RAB2A: variants seen among roughly 807,000 people sequenced by gnomAD.
RAB2A encodes the protein RAB2A, member RAS oncogene family, also known as ras-related protein Rab-2A.
Under a neutral mutation model 32.5 loss-of-function variants are expected in RAB2A, and 7 were observed. The observed-to-expected ratio is 0.22, with a 90% confidence interval of 0.12 to 0.40. RAB2A has a LOEUF of 0.40. Among genes scored for constraint, RAB2A ranks in the 10% least tolerant of loss-of-function variants. The pLI is 1.00. For synonymous variants in RAB2A, 79 were observed against 85.2 expected, an observed-to-expected ratio of 0.93 and a Z score of 0.40; for missense variants, 108 against 260.7, an observed-to-expected ratio of 0.41 and a Z score of 4.03.
intron 1 of RAB2A, among the ~76,000 whole-genome samples, chr8:60,521,073 C>G (rs1274861623): frequency 6.6e-6 from 1 of 152,238 alleles, no homozygotes; most frequent in African/African-American, 2.4e-5. Context: ...ACTTCAGCCT[C>G]CCAAAGTGCC....
At chr8:60,585,388 C>A (rs1485276649) in intron 5 of RAB2A, among the ~76,000 whole-genome samples, 5 of 152,146 alleles carry the variant, frequency 3.3e-5, no homozygotes, top group African/African-American at 1.2e-4. Context: ...TCATAGCTCA[C>A]TGCAGCTTGG....
intron 6 of RAB2A, among the ~76,000 whole-genome samples, chr8:60,604,181 G>A (rs541002153): frequency 7.2e-5 from 11 of 152,194 alleles, no homozygotes; most frequent in East Asian, 1.9e-4. Flanking sequence ...GAAGTGCCTC[G>A]CTCCCCCTTT....
chr8:60,536,296 T>C (rs1807555230), intron 1 of RAB2A, among the ~76,000 whole-genome samples: 1 of 143,894 alleles, frequency 6.9e-6, no homozygotes, highest in South Asian at 2.3e-4. Context: ...TCTTTGGCTC[T>C]TGTTAATTTA....
chr8:60,600,592 A>G (rs993411459), intron 6 of RAB2A, among the ~76,000 whole-genome samples: 4 of 152,216 alleles, frequency 2.6e-5, no homozygotes, highest in Admixed American at 1.3e-4. Context: ...GTTGACTCAA[A>G]AACCTATACA....
intron 1 of RAB2A, among the ~76,000 whole-genome samples, chr8:60,519,013 A>G (rs996900744): frequency 1.3e-5 from 2 of 152,210 alleles, no homozygotes; most frequent in South Asian, 4.1e-4. Context: ...TGGGGCTACA[A>G]ATCCTAACAA....
At chr8:60,563,013 AT>A (rs1563470819) in intron 2 of RAB2A, among the ~76,000 whole-genome samples, 1 of 105,646 alleles carries the variant, frequency 9.5e-6, no homozygotes, top group Admixed American at 1.0e-4. Flanking sequence ...TCTTTCAGAG[AT>A]AAAAAAAAAA....
chr8:60,597,558 A>T (rs1421729050), intron 6 of RAB2A, among the ~76,000 whole-genome samples: 1 of 152,104 alleles, frequency 6.6e-6, no homozygotes, highest in Non-Finnish European at 1.5e-5. Flanking sequence ...AAATCTGCAC[A>T]TGTATCCCAG....
intron 1 of RAB2A, among the ~76,000 whole-genome samples, chr8:60,547,684 C>A (rs1178489781): frequency 1.7e-5 from 2 of 120,178 alleles, no homozygotes; most frequent in South Asian, 2.9e-4. Flanking sequence ...CCGGACGGGG[C>A]GGCTGGCCGG....
intron 1 of RAB2A, among the ~76,000 whole-genome samples, chr8:60,553,220 G>A (rs1807883749): frequency 6.6e-6 from 1 of 152,212 alleles, no homozygotes; most frequent in African/African-American, 2.4e-5. Context: ...TGGTTTATGT[G>A]ATTTTGGGGG....
intron 1 of RAB2A, among the ~76,000 whole-genome samples, chr8:60,526,752 T>C (rs570960110): frequency 2.0e-5 from 3 of 152,200 alleles, no homozygotes; most frequent in African/African-American, 7.2e-5. Context: ...GTGGATTGCT[T>C]GCGCTGAGGA....
intron 7 of RAB2A, chr8:60,619,253 G>C (rs755874507): frequency 6.6e-6 from 1 of 152,094 alleles, no homozygotes; most frequent in African/African-American, 2.4e-5. Context: ...ATCTAATTCA[G>C]AGTGTTCACC....
At chr8:60,550,390 CTTT>C (rs879508044) in intron 1 of RAB2A, among the ~76,000 whole-genome samples, 1 of 145,134 alleles carries the variant, frequency 6.9e-6, no homozygotes, top group Non-Finnish European at 1.5e-5. Context: ...TTTTTTTTGT[CTTT>C]TTTTTTTTTG....
intron 1 of RAB2A, among the ~76,000 whole-genome samples, chr8:60,555,069 G>A (rs184288997): frequency 6.6e-6 from 1 of 152,308 alleles, no homozygotes; most frequent in African/African-American, 2.4e-5. Context: ...TTTCAAGGAG[G>A]TTGTAGGCAG....
At chr8:60,542,720 A>C (rs1464799162) in intron 1 of RAB2A, among the ~76,000 whole-genome samples, 2 of 152,310 alleles carry the variant, frequency 1.3e-5, no homozygotes, top group East Asian at 3.9e-4. Flanking sequence ...TGATTGCATC[A>C]AGGGAAAGAG....
intron 1 of RAB2A, among the ~76,000 whole-genome samples, chr8:60,536,978 A>G (rs944447310): frequency 1.3e-5 from 2 of 152,210 alleles, no homozygotes; most frequent in African/African-American, 4.8e-5. Flanking sequence ...ATTAAAAGAG[A>G]ATAGAAGTGT....
At chr8:60,531,595 G>C (rs1263639473) in intron 1 of RAB2A, among the ~76,000 whole-genome samples, 1 of 152,100 alleles carries the variant, frequency 6.6e-6, no homozygotes, top group South Asian at 2.1e-4. Context: ...ATAGAAAAAA[G>C]CTGTTCACTG....
chr8:60,615,648 C>G (rs1028441033), intron 6 of RAB2A, among the ~76,000 whole-genome samples: 6 of 152,114 alleles, frequency 3.9e-5, no homozygotes, highest in African/African-American at 1.2e-4. Context: ...ACCCAAGGCT[C>G]TTACCTTAGA....
intron 1 of RAB2A, among the ~76,000 whole-genome samples, chr8:60,553,322 T>C (rs762975912): frequency 1.3e-5 from 2 of 152,198 alleles, no homozygotes; most frequent in Non-Finnish European, 2.9e-5. Flanking sequence ...TTCTTCTCTC[T>C]AGGAAGCCCC....
intron 1 of RAB2A, among the ~76,000 whole-genome samples, chr8:60,527,482 G>C (rs1807410507): frequency 6.6e-6 from 1 of 152,186 alleles, no homozygotes; most frequent in Non-Finnish European, 1.5e-5. Flanking sequence ...TTCTTCACAA[G>C]GCGGCAGGAG....
Sources: allele counts gnomAD v4.1 joint callset (sites outside exome capture counted in the v4.1 genomes callset), GRCh38; gene constraint gnomAD v4.1.1; transcripts MANE v1.5; gene names NCBI Gene and HGNC (gene_info 2026-07-23, HGNC 2026-07-21).